ITPRID1: variants seen among roughly 807,000 people sequenced by gnomAD.
ITPRID1 encodes the protein ITPR interacting domain containing 1.
ITPRID1 carries 96 observed loss-of-function variants against 95.4 expected under a neutral mutation model. The observed-to-expected ratio is 1.01, with a 90% CI of 0.85 to 1.19. ITPRID1 has a LOEUF of 1.19. Ranked by LOEUF, ITPRID1 falls within the 50% of genes most tolerant of loss-of-function variation. The pLI, the probability that ITPRID1 is intolerant of heterozygous loss-of-function variation, is 0.00. For synonymous variants in ITPRID1, 510 were observed against 453.6 expected (o/e 1.12, Z -1.58); for missense variants, 1,339 against 1,252.9 (o/e 1.07, Z -1.04).
At position 31,653,634 on chromosome 7, in the gene ITPRID1, T is replaced by C. The variant is rs1390034501; in HGVS notation, c.*805T>C. The C allele has an allele frequency of 6.6e-6, 1 of 152,196 alleles. No homozygotes were observed. The highest frequency in any genetic ancestry group is 1.9e-4 in the East Asian group (1 of 5,200). 9.4% of individuals were successfully genotyped at this position (152,196 alleles called of 1,614,324 possible). A position where few individuals can be genotyped will look rare whatever the true frequency, so the allele number is the denominator to read the frequency against. On this transcript the variant is annotated 3_prime_UTR_variant, in exon 15 of 15. Coordinates refer to ENST00000615280, the MANE Select transcript of ITPRID1 (RefSeq NM_001257967.3). ...AGGTATTTAGCTTTTAAAAAAATCT[T>C]TGTAGCTATCTCATTTAGAAATAAA...
chr7:31,639,408 T>G (rs1789797253), intron 10 of ITPRID1, among the ~76,000 whole-genome samples: 1 of 143,712 alleles, frequency 7.0e-6, no homozygotes, highest in South Asian at 2.3e-4. Flanking sequence ...CTGGAGACGT[T>G]GTTTTCATCT....
Position 31,612,543 on chromosome 7 carries a change from T to A in ITPRID1, c.1228+29352T>A, listed in dbSNP as rs138717801. ...TTGTTTTAAAGAGACTTTCCTGGAC[T>A]AACTTTATAAAACCTATATATTTTG... On this transcript the variant is annotated intron_variant, in intron 10 of 14. Coordinates refer to ENST00000615280, the MANE Select transcript of ITPRID1 (RefSeq NM_001257967.3). Among the ~76,000 whole-genome samples the A allele has an allele frequency of 1.7e-3, 259 of 152,268 alleles. 1 individual carries two copies. Among genetic ancestry groups the A allele is most frequent in the Non-Finnish European group, 2.5e-3 (172 of 67,998 alleles).
chr7:31,599,640 T>TC (rs1786281275), intron 10 of ITPRID1, among the ~76,000 whole-genome samples: 17 of 56,680 alleles, frequency 3.0e-4, no homozygotes, highest in Admixed American at 8.3e-4. Context: ...TTTCTTTCTT[T>TC]CTTTCTTTTT....
chr7:31,607,859 A>G (rs1156535815), intron 10 of ITPRID1, among the ~76,000 whole-genome samples: 1 of 151,776 alleles, frequency 6.6e-6, no homozygotes, highest in Admixed American at 6.6e-5. Flanking sequence ...TTCTCAGTTT[A>G]TCTTCCAGCA....
At chr7:31,636,909 T>C (rs1789543633) in intron 10 of ITPRID1, among the ~76,000 whole-genome samples, 1 of 106,286 alleles carries the variant, frequency 9.4e-6, no homozygotes, top group African/African-American at 3.8e-5. Flanking sequence ...CAACAGTCCC[T>C]GGTGTGTGAT....
chr7:31,555,922 A>T (rs1562566506), intron 5 of ITPRID1, among the ~76,000 whole-genome samples: 1 of 152,178 alleles, frequency 6.6e-6, no homozygotes, highest in African/African-American at 2.4e-5. Context: ...AAGTTCCATG[A>T]TGCCAAATAC....
At chr7:31,572,522 G>T (rs914227300) in intron 7 of ITPRID1, among the ~76,000 whole-genome samples, 2 of 152,102 alleles carry the variant, frequency 1.3e-5, no homozygotes, top group Admixed American at 1.3e-4. Flanking sequence ...AAAGCAAGAT[G>T]CAGGAAGGTA....
chr7:31,531,219 A>G (rs1169616351), intron 1 of ITPRID1, among the ~76,000 whole-genome samples: 1 of 152,244 alleles, frequency 6.6e-6, no homozygotes, highest in Non-Finnish European at 1.5e-5. Context: ...TGATCTCCAT[A>G]TACTACAAAG....
intron 10 of ITPRID1, among the ~76,000 whole-genome samples, chr7:31,630,306 G>A (rs954336091): frequency 6.7e-6 from 1 of 149,686 alleles, no homozygotes; most frequent in Non-Finnish European, 1.5e-5. Flanking sequence ...AATATTGAGT[G>A]CCAGGAACTA....
At chr7:31,606,918 T>C (rs1786650148) in intron 10 of ITPRID1, among the ~76,000 whole-genome samples, 1 of 152,178 alleles carries the variant, frequency 6.6e-6, no homozygotes, top group Non-Finnish European at 1.5e-5. Context: ...CTAATAATTT[T>C]ACCTTACTCT....
intron 9 of ITPRID1, among the ~76,000 whole-genome samples, chr7:31,579,526 G>A (rs1475739781): frequency 6.6e-6 from 1 of 152,180 alleles, no homozygotes; most frequent in East Asian, 1.9e-4. Flanking sequence ...CAGCCCTACA[G>A]ATACACTTTA....
intron 1 of ITPRID1, among the ~76,000 whole-genome samples, chr7:31,548,067 AC>A (rs34477044): frequency 0.18 from 27,758 of 151,964 alleles, 3,023 homozygotes; most frequent in East Asian, 0.3. Context: ...AGTAAGGAGG[AC>A]AAAAATGGTG....
intron 5 of ITPRID1, among the ~76,000 whole-genome samples, chr7:31,567,583 CT>C (rs377413846): frequency 0.61 from 80,756 of 131,450 alleles, 23,116 homozygotes; most frequent in African/African-American, 0.67. Flanking sequence ...CCGCCTGACT[CT>C]TTTTTTTTTT....
At chr7:31,532,779 T>C (rs1367721598) in intron 1 of ITPRID1, among the ~76,000 whole-genome samples, 1 of 152,194 alleles carries the variant, frequency 6.6e-6, no homozygotes, top group African/African-American at 2.4e-5. Flanking sequence ...CCAAGCAAGT[T>C]GGCCACTTCA....
chr7:31,530,160 C>T (rs1267122245), intron 1 of ITPRID1, among the ~76,000 whole-genome samples: 1 of 152,164 alleles, frequency 6.6e-6, no homozygotes, highest in East Asian at 1.9e-4. Flanking sequence ...CCTCTATGTT[C>T]TGAATACTAG....
intron 10 of ITPRID1, among the ~76,000 whole-genome samples, chr7:31,638,073 G>T (rs773374102): frequency 9.2e-5 from 14 of 152,124 alleles, no homozygotes; most frequent in Non-Finnish European, 1.9e-4. Context: ...TCCCACCAAA[G>T]TGTGCAGGGC....
intron 5 of ITPRID1, among the ~76,000 whole-genome samples, chr7:31,562,775 C>T (rs567388641): frequency 6.7e-4 from 102 of 152,256 alleles, no homozygotes; most frequent in African/African-American, 2.3e-3. Flanking sequence ...ATTCCTAGTT[C>T]TTTATCTTTC....
At chr7:31,631,404 A>G (rs527756183) in intron 10 of ITPRID1, among the ~76,000 whole-genome samples, 6 of 152,364 alleles carry the variant, frequency 3.9e-5, no homozygotes, top group African/African-American at 1.4e-4. Context: ...AGACATATAA[A>G]TGTGCACAAA....
chr7:31,564,672 C>G (rs74950419), intron 5 of ITPRID1, among the ~76,000 whole-genome samples: 1 of 152,104 alleles, frequency 6.6e-6, no homozygotes, highest in Admixed American at 6.6e-5. Flanking sequence ...TTTGTCTGTC[C>G]TGTGATGGCA....
Sources: gnomAD v4.1 joint callset for allele counts (sites outside exome capture counted in the v4.1 genomes callset) on GRCh38, gnomAD v4.1.1 for gene constraint, MANE v1.5 for transcripts, NCBI Gene and HGNC (gene_info 2026-07-23, HGNC 2026-07-21) for gene names.